Variants in ANKDD1A observed in about 807,000 individuals in gnomAD.
ANKDD1A encodes ankyrin repeat and death domain-containing protein 1A.
A neutral mutation model predicts 63.5 loss-of-function variants in ANKDD1A; 59 were observed. That is an observed-to-expected ratio of 0.93 (90% CI 0.75 to 1.15). The LOEUF (loss-of-function observed/expected upper bound fraction) is 1.15. Ranked by LOEUF, ANKDD1A falls within the 50% of genes most tolerant of loss-of-function variation. The pLI is 0.00. For missense variants in ANKDD1A, 632 were observed against 656.4 expected (o/e 0.96, Z 0.41); for synonymous variants, 266 against 263.9 (o/e 1.01, Z -0.08).
At chr15:64,936,495 A>G (rs1178065230) in intron 9 of ANKDD1A, among the ~76,000 whole-genome samples, 1 of 152,158 alleles carries the variant, frequency 6.6e-6, no homozygotes, top group Non-Finnish European at 1.5e-5. Context: ...TGTTTTTAAT[A>G]CCAAAAGTAA....
intron 9 of ANKDD1A, among the ~76,000 whole-genome samples, chr15:64,935,073 G>T (rs1595851884): frequency 1.3e-5 from 2 of 150,686 alleles, no homozygotes; most frequent in Admixed American, 6.6e-5. Flanking sequence ...AATTTTTTTT[G>T]AAAAACTGGC....
chr15:64,956,358 G>A (rs949011028), intron 14 of ANKDD1A, among the ~76,000 whole-genome samples: 7 of 151,808 alleles, frequency 4.6e-5, no homozygotes, highest in African/African-American at 1.7e-4. Context: ...GACCATCCTG[G>A]CTAACACAGT....
At chr15:64,931,919 G>A (rs2085094403) in intron 8 of ANKDD1A, 2 of 444,538 alleles carry the variant, frequency 4.5e-6, no homozygotes, top group African/African-American at 3.9e-5. Flanking sequence ...TTTTGAGATG[G>A]GTCTTACTCT....
intron 9 of ANKDD1A, among the ~76,000 whole-genome samples, chr15:64,937,610 C>T (rs10152931): frequency 0.38 from 57,063 of 151,698 alleles, 12,304 homozygotes; most frequent in East Asian, 0.68. Flanking sequence ...CGCCTGTAGT[C>T]CCAGCTATTC....
intron 13 of ANKDD1A, 86 bp downstream of exon 13, chr15:64,947,679 G>A (rs2085234813): frequency 8.1e-6 from 12 of 1,488,954 alleles, no homozygotes; most frequent in Non-Finnish European, 9.9e-6. Context: ...TGTGCTTCTG[G>A]TGAAAGGGCC....
chr15:64,917,645 G>T, intron 3 of ANKDD1A, 131 bp downstream of exon 3: 1 of 1,367,142 alleles, frequency 7.3e-7, no homozygotes, highest in Non-Finnish European at 9.8e-7. Context: ...GGAGTCAGAG[G>T]CTTCAGGCGC....
At chr15:64,912,055 C>A in intron 1 of ANKDD1A, 91 bp downstream of exon 1, 1 of 1,182,960 alleles carries the variant, frequency 8.5e-7, no homozygotes, top group Middle Eastern at 2.1e-4. Context: ...GGTTGGCGCC[C>A]TCCGAACGGC....
At chr15:64,952,495 G>A (rs745990045) in intron 14 of ANKDD1A, among the ~76,000 whole-genome samples, 52 of 99,328 alleles carry the variant, frequency 5.2e-4, no homozygotes, top group Admixed American at 1.4e-3. Context: ...CTTCGTCACC[G>A]TCTTCTCCTT....
At chr15:64,934,098 G>T in intron 8 of ANKDD1A, 38 bp from the exon 9 acceptor site, 1 of 1,559,860 alleles carries the variant, frequency 6.4e-7, no homozygotes, top group Non-Finnish European at 8.8e-7. Flanking sequence ...AGTAGGAGGG[G>T]TCCTTGTGAT....
At chr15:64,950,077 G>A in intron 14 of ANKDD1A, 105 bp downstream of exon 14, 1 of 1,535,532 alleles carries the variant, frequency 6.5e-7, no homozygotes, top group Non-Finnish European at 8.8e-7. Context: ...TGTGATGCTG[G>A]CTCTAGGCCT....
intron 9 of ANKDD1A, among the ~76,000 whole-genome samples, chr15:64,938,192 A>G (rs538387349): frequency 1.3e-5 from 2 of 152,346 alleles, no homozygotes; most frequent in African/African-American, 4.8e-5. Context: ...ATTTATGTAG[A>G]TATCATGCTC....
intron 3 of ANKDD1A, among the ~76,000 whole-genome samples, chr15:64,918,312 C>A (rs942361225): frequency 6.6e-6 from 1 of 152,184 alleles, no homozygotes; most frequent in African/African-American, 2.4e-5. Flanking sequence ...ACTTAGTTGT[C>A]CATGAAAACA....
At chr15:64,916,037 C>T in intron 2 of ANKDD1A, 137 bp downstream of exon 2, 1 of 788,202 alleles carries the variant, frequency 1.3e-6, no homozygotes, top group Non-Finnish European at 2.0e-6. Context: ...CGGGCTCTGT[C>T]CTCATGGCCT....
intron 1 of ANKDD1A, among the ~76,000 whole-genome samples, chr15:64,912,902 A>T (rs568358095): frequency 6.6e-6 from 1 of 152,354 alleles, no homozygotes; most frequent in South Asian, 2.1e-4. Flanking sequence ...GGGCCTGCGA[A>T]GAATGTGTAC....
At chr15:64,950,263 C>T (rs2085259064) in intron 14 of ANKDD1A, 4 of 985,396 alleles carry the variant, frequency 4.1e-6, no homozygotes, top group Non-Finnish European at 4.8e-6. Flanking sequence ...GCCCTCTATA[C>T]CTTGACATTT....
intron 9 of ANKDD1A, among the ~76,000 whole-genome samples, chr15:64,937,741 T>A (rs2085146727): frequency 2.0e-5 from 3 of 151,654 alleles, no homozygotes; most frequent in South Asian, 2.1e-4. Flanking sequence ...AATAAATAAA[T>A]AAAAATAAAA....
chr15:64,953,691 C>T (rs1459822893), intron 14 of ANKDD1A, among the ~76,000 whole-genome samples: 25 of 69,920 alleles, frequency 3.6e-4, no homozygotes, highest in African/African-American at 9.6e-4. Flanking sequence ...TCTCCTTCTC[C>T]CTTCTTCTTT....
In ANKDD1A at chr15:64,951,302, C is replaced by CTTTTCTTCTCTTCTTCTT. The variant is rs2085268391; in HGVS notation, c.1483+1332_1483+1333insTTCTTCTCTTCTTCTTTT. The CTTTTCTTCTCTTCTTCTT allele has an allele frequency of 3.5e-6, 3 of 863,886 alleles. No homozygotes were observed. In the South Asian group the frequency reaches 1.6e-4, roughly 46 times the overall value. 53.5% of individuals were successfully genotyped at this position (863,886 alleles called of 1,614,324 possible). ...TTCTTTTTCTTTTCTTCTTCTTCTT[C>CTTTTCTTCTCTTCTTCTT]TTCTCTTCTTCTTCTTTCTTCTTTC... On this transcript the variant is annotated intron_variant, in intron 14 of 14. Coordinates refer to ENST00000319580, the MANE Select transcript of ANKDD1A (RefSeq NM_182703.6).
chr15:64,926,137 C>G lies in ANKDD1A; in HGVS notation c.438C>G (p.Asp146Glu), dbSNP rs2085044884. ...HVPVLAFIME[D>E]LEDVALDHVD... ...CTGTGCTGGCGTTCATAATGGAGGA[C>G]CTGGAGGATGTGGCCCTGGACCACG... is the stretch of plus-strand genomic sequence containing the variant. The change falls in exon 5 of 15, where the codon GAC (aspartate) becomes GAG (glutamate). Residue 146 changes from aspartate (D) to glutamate (E), a missense_variant. Asp to Glu is a conservative substitution (Grantham distance 45). Transcript: ENST00000319580. 6.2e-7 allele frequency: 1 copy of G among 1,613,922 alleles called. No individual in the cohort carries two copies. The highest frequency in any genetic ancestry group is 1.3e-5 in the African/African-American group (1 of 74,910).
Sources: gnomAD v4.1 joint callset for allele counts (sites outside exome capture counted in the v4.1 genomes callset) on GRCh38, gnomAD v4.1.1 for gene constraint, MANE v1.5 for transcripts, NCBI Gene and HGNC (gene_info 2026-07-23, HGNC 2026-07-21) for gene names.